SPTBN1: variants seen among roughly 807,000 people sequenced by gnomAD.
The protein encoded by SPTBN1 is spectrin beta chain, non-erythrocytic 1.
In SPTBN1, 32 loss-of-function variants were observed where a neutral mutation model predicts 266.4. The ratio of observed to expected loss-of-function variants is 0.12; its 90% CI spans 0.09 to 0.16. SPTBN1 has a LOEUF of 0.16. Ranked by LOEUF, SPTBN1 falls within the 10% of genes least tolerant of loss-of-function variation. The pLI is 1.00. For synonymous variants in SPTBN1, 1,336 were observed against 1,162.2 expected (o/e 1.15, Z -3.04); for missense variants, 2,296 against 3,067.1 (o/e 0.75, Z 5.94).
In SPTBN1 at chr2:54,544,442, G is replaced by A. The variant is rs1042229039; in HGVS notation, c.148+17876G>A. ...GGTATCTCATTTGTGATGTCAGAGT[G>A]GTTATTGAACTTACTAAACCTTTCC... On this transcript the variant is annotated intron_variant, in intron 2 of 35. Transcript: ENST00000356805. 2.6e-5 allele frequency among the ~76,000 whole-genome samples: 4 copies of A among 152,254 alleles called. No individual in the cohort carries two copies. The South Asian group carries it at 6.2e-4, about 24-fold the overall frequency.
intron 8 of SPTBN1, 71 bp downstream of exon 8, chr2:54,621,583 C>A: frequency 7.6e-7 from 1 of 1,318,126 alleles, no homozygotes; most frequent in Non-Finnish European, 1.1e-6. Flanking sequence ...CTCCCATGCA[C>A]TCATAAAATT....
chr2:54,495,069 G>A (rs942261317), intron 1 of SPTBN1, among the ~76,000 whole-genome samples: 1 of 152,142 alleles, frequency 6.6e-6, no homozygotes, highest in Non-Finnish European at 1.5e-5. Flanking sequence ...TGTGACAGGT[G>A]TGGGCACAGA....
chr2:54,515,616 T>C (rs1223654905), intron 1 of SPTBN1: 1 of 152,166 alleles, frequency 6.6e-6, no homozygotes, highest in Non-Finnish European at 1.5e-5. Context: ...ACTGCAGCCT[T>C]GGCCTCCCAG....
At position 54,628,886 on chromosome 2, in the gene SPTBN1, T is replaced by C. The variant is rs1324005689; in HGVS notation, c.1799-47T>C. ...CTGCCTGCCAGTGAGCCTGCACCCA[T>C]GCTGAGCTCCCTCACACAGCCACGT... is the stretch of plus-strand genomic sequence containing the variant. On this transcript the variant is annotated intron_variant, in intron 13 of 35. Transcript: ENST00000356805. The surrounding 1 kb of genome is among the most constrained non-coding windows in gnomAD (Gnocchi z 4.3). 5 of 1,535,880 alleles carry C rather than the reference T, an allele frequency of 3.3e-6. No homozygotes were observed. The highest frequency in any genetic ancestry group is 2.1e-5 in the Admixed American group (1 of 48,508).
In SPTBN1 at chr2:54,558,480, C is replaced by G. The variant is rs1159316925; in HGVS notation, c.148+31914C>G. 8.0e-6 allele frequency: 9 copies of G among 1,123,114 alleles called. No individual in the cohort carries two copies. Among genetic ancestry groups the G allele is most frequent in the African/African-American group, 4.9e-5 (3 of 61,444 alleles). The allele number at this position is 1,123,114 out of a possible 1,614,324, so 69.6% of individuals were successfully genotyped here. ...CATATTTAAAAGTTCTGAAGTAGAA[C>G]CTGCGCCTCCTCTCTGCTTCTCCCT... On this transcript the variant is annotated intron_variant, in intron 2 of 35. Transcript: ENST00000356805. This position sits in a 1 kb window ranked among gnomAD's most constrained non-coding sequence, Gnocchi z 4.6.
At chr2:54,592,403 AG>A (rs1675741111) in intron 2 of SPTBN1, among the ~76,000 whole-genome samples, 1 of 146,286 alleles carries the variant, frequency 6.8e-6, no homozygotes, top group East Asian at 2.0e-4. Context: ...TTTTTATCTG[AG>A]ACAGAGTTTT....
chr2:54,659,083 G>A (rs1680864585), intron 30 of SPTBN1, 71 bp from the exon 31 acceptor site: 8 of 1,549,760 alleles, frequency 5.2e-6, no homozygotes, highest in Admixed American at 1.7e-5. Flanking sequence ...GACTTCCTGG[G>A]TTCCTAGAAC....
chr2:54,558,895 C>T lies in SPTBN1; in HGVS notation c.148+32329C>T. 6.2e-7 allele frequency: 1 copy of T among 1,612,340 alleles called. No individual in the cohort carries two copies. Among genetic ancestry groups the T allele is most frequent in the African/African-American group, 1.3e-5 (1 of 74,986 alleles). On this transcript the variant is annotated intron_variant, in intron 2 of 35. Coordinates refer to ENST00000356805, the MANE Select transcript of SPTBN1 (RefSeq NM_003128.3). The surrounding 1 kb of genome is among the most constrained non-coding windows in gnomAD (Gnocchi z 4.6). ...GATTCAAGCAGCTGCAAGGTAAGCC[C>T]CCTCCCAAAGGCCGGGCCTGTCCTG... is the stretch of plus-strand genomic sequence containing the variant.
At chr2:54,660,162 A>G in intron 32 of SPTBN1, 163 bp downstream of exon 32, 1 of 1,523,140 alleles carries the variant, frequency 6.6e-7, no homozygotes, top group Non-Finnish European at 8.8e-7. Context: ...ACTTCACCCA[A>G]AATGTTAAAA....
chr2:54,602,774 G>T (rs1236577681), intron 3 of SPTBN1, among the ~76,000 whole-genome samples: 3 of 152,144 alleles, frequency 2.0e-5, no homozygotes, highest in Admixed American at 2.0e-4. Context: ...TAATTTCAAA[G>T]CAGGCTGAGC....
Position 54,667,606 on chromosome 2 carries a change from T to C in SPTBN1, c.6836T>C (p.Leu2279Pro). The C allele has an allele frequency of 6.2e-7, 1 of 1,613,988 alleles. No individual in the cohort carries two copies. The highest frequency in any genetic ancestry group is 8.5e-7 in the Non-Finnish European group (1 of 1,179,824). The change falls in exon 35 of 36, where the codon CTA becomes CCA. Residue 2279 changes from leucine (L) to proline (P), a missense_variant and splice_region_variant. Leu to Pro is a moderately conservative substitution (Grantham distance 98, BLOSUM62 -3). Coordinates refer to ENST00000356805, the MANE Select transcript of SPTBN1 (RefSeq NM_003128.3). ...AACTTTCTTCCTTGAAATTACAGAC[T>C]AAATGATGGCAATGAGTACCTCTTC... ...KKKKHVFKLR[L>P]NDGNEYLFQA...
chr2:54,574,027 C>T (rs1017383816), intron 2 of SPTBN1, among the ~76,000 whole-genome samples: 5 of 152,050 alleles, frequency 3.3e-5, no homozygotes, highest in African/African-American at 1.2e-4. Flanking sequence ...ATAATTAAAT[C>T]TAAGAAATTT....
At position 54,626,312 on chromosome 2, in the gene SPTBN1, C is replaced by A. The variant is rs918482543; in HGVS notation, c.1644+78C>A. On this transcript the variant is annotated intron_variant, in intron 12 of 35. Transcript: ENST00000356805. This position sits in a 1 kb window ranked among gnomAD's most constrained non-coding sequence, Gnocchi z 4.7. ...TTTTCTGTGACTCATTCACTAAACC[C>A]CTACGTACAGCTGTGTGCCTTGTCT... The A allele has an allele frequency of 1.3e-6, 2 of 1,492,518 alleles. No homozygotes were observed. Among genetic ancestry groups the A allele is most frequent in the Non-Finnish European group, 1.8e-6 (2 of 1,110,840 alleles). The allele number at this position is 1,492,518 out of a possible 1,614,324, so 92.5% of individuals were successfully genotyped here.
chr2:54,622,677 C>T (rs1483301330), intron 9 of SPTBN1, among the ~76,000 whole-genome samples, 190 bp downstream of exon 9: 1 of 152,154 alleles, frequency 6.6e-6, no homozygotes, highest in Non-Finnish European at 1.5e-5. Flanking sequence ...GAGCCCTTCC[C>T]AATATAAATG....
chr2:54,611,551 C>T (rs1677214916), intron 3 of SPTBN1, among the ~76,000 whole-genome samples: 1 of 152,034 alleles, frequency 6.6e-6, no homozygotes, highest in East Asian at 1.9e-4. Context: ...TTTGATAAAA[C>T]TGGGTAGAGG....
rs529365723 is a variant in SPTBN1, at chr2:54,600,174, C to T, written c.300+931C>T. ...GGCCTGTGTGCAGACCTGCCCCACA[C>T]CTCTGACCGCAGGCAAGGGTCTAAG... On this transcript the variant is annotated intron_variant, in intron 3 of 35. Coordinates refer to ENST00000356805, the MANE Select transcript of SPTBN1 (RefSeq NM_003128.3). 1.9e-4 allele frequency among the ~76,000 whole-genome samples: 29 copies of T among 152,338 alleles called. 1 individual carries two copies. The highest frequency in any genetic ancestry group is 7.8e-4 in the Admixed American group (12 of 15,308).
chr2:54,589,789 C>A (rs573130068), intron 2 of SPTBN1, among the ~76,000 whole-genome samples: 1 of 152,128 alleles, frequency 6.6e-6, no homozygotes, highest in Admixed American at 6.5e-5. Context: ...TTTCCGGCTT[C>A]CTGCTCTGTG....
chr2:54,522,711 G>A (rs766098267), intron 1 of SPTBN1, among the ~76,000 whole-genome samples: 141 of 92,924 alleles, frequency 1.5e-3, no homozygotes, highest in South Asian at 7.8e-3. Flanking sequence ...AAGAAAGAAA[G>A]GAAAGAAAGA....
intron 1 of SPTBN1, among the ~76,000 whole-genome samples, chr2:54,487,762 C>A (rs577943690): frequency 1.6e-4 from 24 of 150,922 alleles, no homozygotes; most frequent in African/African-American, 5.8e-4. Context: ...AAAAGTTGGT[C>A]AGAATTTCAC....
Sources: gnomAD v4.1 joint callset for allele counts (sites outside exome capture counted in the v4.1 genomes callset) on GRCh38, gnomAD v4.1.1 for gene constraint, Gnocchi (gnomAD v3.1) non-coding constraint, MANE v1.5 for transcripts, NCBI Gene and HGNC (gene_info 2026-07-23, HGNC 2026-07-21) for gene names.